The following AP3B2 variants were observed in gnomAD, a reference collection of about 807,000 sequenced individuals.
AP3B2 encodes AP-3 complex subunit beta-2.
AP3B2 carries 50 observed loss-of-function variants against 126.9 expected under a neutral mutation model. The observed-to-expected ratio is 0.39, with a 90% CI of 0.31 to 0.50. AP3B2 has a LOEUF of 0.50. Among genes scored for constraint, AP3B2 ranks in the 20% least tolerant of loss-of-function variants. The pLI is 0.79. For synonymous variants in AP3B2, 541 were observed against 565.0 expected (o/e 0.96, Z 0.60); for missense variants, 1,177 against 1,426.4 (o/e 0.83, Z 2.82).
chr15:82,673,869 T>C (rs1488032283), intron 14 of AP3B2, among the ~76,000 whole-genome samples: 5 of 152,048 alleles, frequency 3.3e-5, no homozygotes, highest in Non-Finnish European at 5.9e-5. Flanking sequence ...CATGGGAGGG[T>C]TGTAGATCCC....
chr15:82,675,389 A>G (rs1277568170), intron 14 of AP3B2, among the ~76,000 whole-genome samples: 3 of 152,198 alleles, frequency 2.0e-5, no homozygotes, highest in African/African-American at 7.2e-5. Context: ...CCTCACCTTG[A>G]GCCTCTGGGG....
chr15:82,684,382 A>G (rs1222440712), intron 4 of AP3B2, among the ~76,000 whole-genome samples: 1 of 151,740 alleles, frequency 6.6e-6, no homozygotes, highest in African/African-American at 2.4e-5. Context: ...TCATGAACCA[A>G]CCTCCACTAG....
intron 1 of AP3B2, among the ~76,000 whole-genome samples, chr15:82,698,163 T>C (rs2048659311): frequency 6.6e-6 from 1 of 151,582 alleles, no homozygotes; most frequent in Non-Finnish European, 1.5e-5. Context: ...CAAACATACC[T>C]ACAGGTCCCG....
At chr15:82,667,014 A>G in intron 14 of AP3B2, 81 bp from the exon 15 acceptor site, 1 of 1,418,582 alleles carries the variant, frequency 7.0e-7, no homozygotes, top group South Asian at 1.3e-5. Context: ...TTAAGCCGAC[A>G]CTTTCAGGCA....
rs1596170466 is a variant in AP3B2, at chr15:82,666,915, A to G, written c.1684T>C (p.Tyr562His). The G allele has an allele frequency of 6.2e-7, 1 of 1,612,004 alleles. No homozygotes were observed. Among genetic ancestry groups the G allele is most frequent in the Non-Finnish European group, 8.5e-7 (1 of 1,178,370 alleles). ...TCATATTTGGCCAGACTCAGCACATACTGGGTCAGCAGCTTGGTCTGGAGG... is the reference window on the plus strand; with the variant it reads ...TCATATTTGGCCAGACTCAGCACATGCTGGGTCAGCAGCTTGGTCTGGAGG... Reference protein sequence around the residue: ...NSKQTKLLTQYVLSLAKYDQN... With the variant: ...NSKQTKLLTQHVLSLAKYDQN... Residue 562 changes from tyrosine to histidine, a missense_variant, in exon 15 of 27, where the codon TAT becomes CAT. Physicochemically the swap from Tyr to His is moderately conservative, Grantham distance 83. This residue lies in a region of AP3B2 where 308 missense variants were observed against 452.4 expected (regional missense o/e 0.68). Coordinates refer to ENST00000535359, the MANE Select transcript of AP3B2 (RefSeq NM_001278512.2).
chr15:82,670,465 C>G (rs2048137919), intron 14 of AP3B2, among the ~76,000 whole-genome samples: 1 of 152,166 alleles, frequency 6.6e-6, no homozygotes, highest in South Asian at 2.1e-4. Context: ...AGGAGAGTCT[C>G]TTCAATAAAT....
intron 4 of AP3B2, chr15:82,688,242 C>G: frequency 1.7e-6 from 1 of 587,390 alleles, no homozygotes; most frequent in Non-Finnish European, 3.0e-6. Flanking sequence ...ACCAGAAAAG[C>G]CCTTAGGGGG....
intron 1 of AP3B2, among the ~76,000 whole-genome samples, chr15:82,701,060 C>A (rs1323526018): frequency 6.6e-6 from 1 of 152,076 alleles, no homozygotes; most frequent in African/African-American, 2.4e-5. Context: ...GGGGTTTTGA[C>A]ATGTTGGCCA....
At chr15:82,676,790 G>A (rs569526833) in intron 13 of AP3B2, among the ~76,000 whole-genome samples, 153 bp from the exon 14 acceptor site, 98 of 152,280 alleles carry the variant, frequency 6.4e-4, no homozygotes, top group Non-Finnish European at 1.2e-3. Flanking sequence ...GAGATAGAGA[G>A]AGGTTAAAAG....
In AP3B2 at chr15:82,681,273, ATTG is replaced by A. The variant is rs2048335844; in HGVS notation, c.522-98_522-96del. On this transcript the variant is annotated intron_variant, in intron 5 of 26. Coordinates refer to ENST00000535359, the MANE Select transcript of AP3B2 (RefSeq NM_001278512.2). This position sits in a 1 kb window ranked among gnomAD's most constrained non-coding sequence, Gnocchi z 4.0. ...TGCTCACCTCCTGCACCCCAGCCTT[ATTG>A]TTCTCCTCCATCTCTGTCAGTCCCC... 3 of 1,523,620 alleles carry A rather than the reference ATTG, an allele frequency of 2.0e-6. No individual in the cohort carries two copies. Among genetic ancestry groups the A allele is most frequent in the African/African-American group, 1.4e-5 (1 of 72,894 alleles). 94.4% of individuals were successfully genotyped at this position (1,523,620 alleles called of 1,614,324 possible). A position where few individuals can be genotyped will look rare whatever the true frequency, so the allele number is the denominator to read the frequency against.
rs1314924146 is a variant in AP3B2 at position 82,664,548 on chromosome 15, G to GCAGA, written c.2138-62_2138-59dup. On this transcript the variant is annotated intron_variant, in intron 18 of 26. Coordinates refer to ENST00000535359, the MANE Select transcript of AP3B2 (RefSeq NM_001278512.2). This position sits in a 1 kb window ranked among gnomAD's most constrained non-coding sequence, Gnocchi z 4.5. ...ATATGCAGGCCTCCTTGGGTCTGGA[G>GCAGA]CAGACACCTGGGTTCCACCTTCACA... 3.2e-6 allele frequency: 5 copies of GCAGA among 1,563,346 alleles called. No individual in the cohort carries two copies. Among genetic ancestry groups the GCAGA allele is most frequent in the Non-Finnish European group, 4.3e-6 (5 of 1,155,330 alleles).
chr15:82,663,627 G>A lies in AP3B2; in HGVS notation c.2437-7C>T, dbSNP rs1393904073. 1 of 1,613,902 alleles carries A rather than the reference G, an allele frequency of 6.2e-7. No homozygotes were observed. The highest frequency in any genetic ancestry group is 8.5e-7 in the Non-Finnish European group (1 of 1,179,840). On this transcript the variant is annotated splice_region_variant and splice_polypyrimidine_tract_variant and intron_variant, in intron 20 of 26. Coordinates refer to ENST00000535359, the MANE Select transcript of AP3B2 (RefSeq NM_001278512.2). ...CACTTTTGCTGCTGGGAGGCTGAAA[G>A]AGAAAAATGGGATGTGGGTGTGGGG...
intron 3 of AP3B2, 119 bp from the exon 4 acceptor site, chr15:82,688,950 T>C: frequency 9.5e-7 from 1 of 1,048,796 alleles, no homozygotes; most frequent in Non-Finnish European, 1.4e-6. Context: ...ACTCTCCCAG[T>C]GGGGGAGAGC....
In AP3B2 at chr15:82,688,801, G is replaced by A. The variant is rs373196064; in HGVS notation, c.295C>T (p.Arg99Cys). The change falls in exon 4 of 27, where the codon CGC (arginine) becomes TGC (cysteine). Residue 99 changes from arginine to cysteine, a missense_variant. Coordinates refer to ENST00000535359, the MANE Select transcript of AP3B2 (RefSeq NM_001278512.2). ...VKKLVYVYLV[R>C]YAEEQQDLAL... ...AGGTCTTGCTGCTCCTCAGCGTAGC[G>A]TACCAGGTACACATAGACAAGCTTC... The A allele has an allele frequency of 1.5e-5, 24 of 1,612,714 alleles. No homozygotes were observed. The highest frequency in any genetic ancestry group is 1.8e-5 in the Non-Finnish European group (21 of 1,179,462).
chr15:82,683,003 C>T (rs1236588660), intron 4 of AP3B2, among the ~76,000 whole-genome samples: 1 of 144,924 alleles, frequency 6.9e-6, no homozygotes, highest in Non-Finnish European at 1.5e-5. Flanking sequence ...TATTCTAAAT[C>T]CTTTGTTGTC....
In AP3B2 at chr15:82,680,893, T is replaced by C. The variant is rs2048327919; in HGVS notation, c.715A>G (p.Ile239Val). Residue 239 changes from isoleucine (I) to valine (V), a missense_variant, in exon 7 of 27, where the codon ATC (isoleucine) becomes GTC (valine). Physicochemically the swap from Ile to Val is conservative, Grantham distance 29. Transcript: ENST00000535359. The surrounding 1 kb of genome is among the most constrained non-coding windows in gnomAD (Gnocchi z 6.1). ...IDVEEWGQVV[I>V]ISMLTRYART... is the part of the protein sequence containing the mutation. ...GCGTAGCGGGTGAGCATGCTGATGA[T>C]GACCACCTGGCCCCACTCCTCCACG... 1.2e-6 allele frequency: 2 copies of C among 1,613,768 alleles called. No homozygotes were observed. Among genetic ancestry groups the C allele is most frequent in the South Asian group, 1.1e-5 (1 of 91,066 alleles).
chr15:82,660,006 G>T (rs1486365516), intron 25 of AP3B2, 23 bp from the exon 26 acceptor site: 1 of 1,612,454 alleles, frequency 6.2e-7, no homozygotes, highest in African/African-American at 1.3e-5. Context: ...GTCGTGATGA[G>T]GGCAGAGGCC....
At chr15:82,663,486 G>A in intron 21 of AP3B2, 74 bp downstream of exon 21, 2 of 1,517,356 alleles carry the variant, frequency 1.3e-6, no homozygotes, top group East Asian at 4.5e-5. Flanking sequence ...ACCCGATCCA[G>A]AGTCCCTATG....
intron 3 of AP3B2, 74 bp from the exon 4 acceptor site, chr15:82,688,905 T>A (rs2048477002): frequency 2.2e-6 from 3 of 1,376,716 alleles, no homozygotes; most frequent in African/African-American, 2.9e-5. Flanking sequence ...CCCTGGGATG[T>A]CATCTCCCCA....
Sources: gnomAD v4.1 joint callset for allele counts (sites outside exome capture counted in the v4.1 genomes callset) on GRCh38, gnomAD v4.1.1 for gene constraint, gnomAD v4.1.1 regional missense constraint, Gnocchi (gnomAD v3.1) non-coding constraint, MANE v1.5 for transcripts, NCBI Gene and HGNC (gene_info 2026-07-23, HGNC 2026-07-21) for gene names.